SLC13A3: variants seen among roughly 807,000 people sequenced by gnomAD.
The protein encoded by SLC13A3 is Na(+)/dicarboxylate cotransporter 3.
SLC13A3 carries 40 observed loss-of-function variants against 59.0 expected under a neutral mutation model. The observed-to-expected ratio is 0.68, with a 90% CI of 0.53 to 0.88. The LOEUF (loss-of-function observed/expected upper bound fraction) is 0.88, where lower values mean the gene tolerates loss of function less well. Among genes scored for constraint, SLC13A3 ranks in the 40% least tolerant of loss-of-function variants. The pLI is 0.00. For synonymous variants in SLC13A3, 317 were observed against 330.3 expected (o/e 0.96, Z 0.44); for missense variants, 699 against 783.2 (o/e 0.89, Z 1.28).
At chr20:46,677,968 A>T (rs920284859) in intron 1 of SLC13A3, among the ~76,000 whole-genome samples, 8 of 152,234 alleles carry the variant, frequency 5.3e-5, no homozygotes, top group African/African-American at 1.9e-4. Flanking sequence ...TATGTTTGAA[A>T]TTGTTTAACA....
At chr20:46,584,450 C>T (rs2146115339) in intron 8 of SLC13A3, 1 of 985,440 alleles carries the variant, frequency 1.0e-6, no homozygotes, top group Non-Finnish European at 1.2e-6. Flanking sequence ...TCAGATTGTT[C>T]TGGCTCCAAG....
At chr20:46,671,087 A>G (rs535544997), upstream of SLC13A3, among the ~76,000 whole-genome samples, 66 of 152,242 alleles carry the variant, frequency 4.3e-4, no homozygotes, top group Non-Finnish European at 7.2e-4. Context: ...AGGAACAAAA[A>G]TCTTTATCTG....
rs148422301 is a variant in SLC13A3 at position 46,629,819 on chromosome 20, T to C, written c.112-16094A>G. Among the ~76,000 whole-genome samples the C allele has an allele frequency of 7.0e-3, 1,062 of 152,354 alleles. 4 individuals carry two copies. The highest frequency in any genetic ancestry group is 8.9e-3 in the Non-Finnish European group (607 of 68,030). ...TGTTGTAGGCAGGCAATTTTTAAAA[T>C]ACATTTCACCGAAAAATATCTGTCC... On this transcript the variant is annotated intron_variant, in intron 1 of 12. Coordinates refer to ENST00000279027, the MANE Select transcript of SLC13A3 (RefSeq NM_022829.6).
chr20:46,656,509 T>C (rs1208689666), intron 1 of SLC13A3, among the ~76,000 whole-genome samples: 2 of 140,050 alleles, frequency 1.4e-5, no homozygotes, highest in African/African-American at 5.2e-5. Context: ...ATACAGTATA[T>C]ATTATACTGT....
intron 1 of SLC13A3, among the ~76,000 whole-genome samples, chr20:46,676,736 A>C (rs2063128666): frequency 6.6e-6 from 1 of 151,818 alleles, no homozygotes; most frequent in South Asian, 2.1e-4. Context: ...ACAGGCATGC[A>C]CCACCTTGCC....
intron 4 of SLC13A3, among the ~76,000 whole-genome samples, chr20:46,597,498 A>C (rs535997904): frequency 1.3e-5 from 2 of 152,296 alleles, no homozygotes; most frequent in East Asian, 3.9e-4. Context: ...GTGCAATGGC[A>C]TGATCTCGGC....
In SLC13A3 at chr20:46,650,716, G is replaced by T. The variant is rs773013507; in HGVS notation, c.111+595C>A. Among the ~76,000 whole-genome samples the T allele has an allele frequency of 2.0e-5, 3 of 152,292 alleles. No individual in the cohort carries two copies. The South Asian group carries it at 6.2e-4, about 32-fold the overall frequency. On this transcript the variant is annotated intron_variant, in intron 1 of 12. Transcript: ENST00000279027. ...GCTTGGCACCCAGTAAGTGTTCATT[G>T]TGACTGTCGCGTGAAATGTGCAATA...
chr20:46,572,759 G>A (rs915130986), intron 10 of SLC13A3, among the ~76,000 whole-genome samples: 2 of 152,206 alleles, frequency 1.3e-5, no homozygotes, highest in African/African-American at 4.8e-5. Context: ...GGGTGCCGTT[G>A]TGATTCCAAT....
intron 1 of SLC13A3, among the ~76,000 whole-genome samples, chr20:46,633,823 C>T (rs987557603): frequency 2.6e-5 from 4 of 152,240 alleles, no homozygotes; most frequent in African/African-American, 9.6e-5. Flanking sequence ...AAGCAACTAT[C>T]GATTGAGGGC....
intron 1 of SLC13A3, among the ~76,000 whole-genome samples, chr20:46,675,227 T>C (rs59223702): frequency 1.3e-5 from 2 of 151,644 alleles, no homozygotes; most frequent in Non-Finnish European, 2.9e-5. Context: ...TTTTTTCTTT[T>C]CTTTTCTTTT....
intron 1 of SLC13A3, among the ~76,000 whole-genome samples, chr20:46,625,283 T>G (rs144830551): frequency 1.3e-5 from 2 of 152,330 alleles, no homozygotes; most frequent in African/African-American, 4.8e-5. Flanking sequence ...ATTCTGATGA[T>G]CACCTGGAAC....
chr20:46,592,635 AGGGT>A, intron 5 of SLC13A3, 106 bp from the exon 6 acceptor site: 1 of 1,149,344 alleles, frequency 8.7e-7, no homozygotes, highest in Non-Finnish European at 1.3e-6. Context: ...GAGGAATGAG[AGGGT>A]CCCATGGAAG....
At chr20:46,605,311 C>G (rs1376617246) in intron 3 of SLC13A3, among the ~76,000 whole-genome samples, 1 of 152,138 alleles carries the variant, frequency 6.6e-6, no homozygotes, top group Non-Finnish European at 1.5e-5. Flanking sequence ...CTGAGCAGAG[C>G]TCTTAGGCAT....
chr20:46,655,972 TG>T (rs1184022931), upstream of SLC13A3, among the ~76,000 whole-genome samples: 3 of 141,950 alleles, frequency 2.1e-5, no homozygotes, highest in East Asian at 2.0e-4. Context: ...TATGTATATA[TG>T]TATGTATATA....
At chr20:46,599,108 C>T (rs1355553641) in intron 4 of SLC13A3, among the ~76,000 whole-genome samples, 1 of 152,248 alleles carries the variant, frequency 6.6e-6, no homozygotes, top group Admixed American at 6.5e-5. Context: ...TATCAACCAC[C>T]CAACACACCA....
chr20:46,650,950 G>A (rs759806393), intron 1 of SLC13A3, among the ~76,000 whole-genome samples: 4 of 152,126 alleles, frequency 2.6e-5, no homozygotes, highest in Non-Finnish European at 5.9e-5. Flanking sequence ...CCACTAGGGA[G>A]GCTGCGGAAG....
At chr20:46,577,726 CT>C (rs1309979661) in intron 9 of SLC13A3, among the ~76,000 whole-genome samples, 1 of 152,260 alleles carries the variant, frequency 6.6e-6, no homozygotes, top group Admixed American at 6.5e-5. Flanking sequence ...GGATTTCCCA[CT>C]GCAGCTCAAC....
At chr20:46,583,101 A>G in intron 9 of SLC13A3, 1 of 984,954 alleles carries the variant, frequency 1.0e-6, no homozygotes, top group African/African-American at 1.7e-5. Context: ...AAAGGACAAG[A>G]AAAATAAACA....
At chr20:46,663,593 C>T (rs1030987326) in intron 1 of SLC13A3, among the ~76,000 whole-genome samples, 3 of 152,218 alleles carry the variant, frequency 2.0e-5, no homozygotes, top group African/African-American at 7.2e-5. Context: ...AATGGCCACA[C>T]TCACTACGTG....
Sources: allele counts gnomAD v4.1 joint callset (sites outside exome capture counted in the v4.1 genomes callset), GRCh38; gene constraint gnomAD v4.1.1; transcripts MANE v1.5; gene names NCBI Gene and HGNC (gene_info 2026-07-23, HGNC 2026-07-21).